The following ROBO1 variants were observed in gnomAD, a reference collection of about 807,000 sequenced individuals.
The protein encoded by ROBO1 is roundabout homolog 1.
ROBO1 carries 149 observed loss-of-function variants against 195.9 expected under a neutral mutation model. The ratio of observed to expected loss-of-function variants is 0.76; its 90% confidence interval spans 0.67 to 0.87. The LOEUF (loss-of-function observed/expected upper bound fraction) is 0.87, where lower values mean the gene tolerates loss of function less well. ROBO1 is among the 40% of genes least tolerant of loss of function. The pLI, the probability that ROBO1 is intolerant of heterozygous loss-of-function variation, is 0.00. For synonymous variants in ROBO1, 816 were observed against 733.2 expected, an observed-to-expected ratio of 1.11 and a Z score of -1.82; for missense variants, 1,933 against 2,068.3, an observed-to-expected ratio of 0.93 and a Z score of 1.27.
At chr3:78,977,941 C>T (rs969258202) in intron 3 of ROBO1, among the ~76,000 whole-genome samples, 18 of 151,984 alleles carry the variant, frequency 1.2e-4, no homozygotes, top group Non-Finnish European at 2.6e-4. Flanking sequence ...TATAATAGTG[C>T]CATCTAAACT....
In ROBO1 at chr3:79,339,410, T is replaced by C. The variant is rs557371049; in HGVS notation, c.89-213871A>G. 8.5e-5 allele frequency among the ~76,000 whole-genome samples: 13 copies of C among 152,312 alleles called. No homozygotes were observed. The South Asian group carries it at 2.5e-3, about 29-fold the overall frequency. ...ATTTGCTTATTCTTCTCAGCCACTG[T>C]GGTACCATTGCTTTTCCACAATACA... On this transcript the variant is annotated intron_variant, in intron 2 of 30. Transcript: ENST00000464233.
intron 2 of ROBO1, among the ~76,000 whole-genome samples, chr3:79,304,482 A>C (rs1385353509): frequency 6.6e-6 from 1 of 152,182 alleles, no homozygotes; most frequent in Non-Finnish European, 1.5e-5. Flanking sequence ...CATCATCTGC[A>C]AATCTTTCTT....
chr3:78,949,578 T>TA (rs1343650341), intron 3 of ROBO1, among the ~76,000 whole-genome samples: 15 of 152,108 alleles, frequency 9.9e-5, no homozygotes, highest in Non-Finnish European at 2.2e-4. Context: ...ACCTAGGCAA[T>TA]ACCATTCAGG....
intron 3 of ROBO1, among the ~76,000 whole-genome samples, chr3:78,990,991 G>A (rs927504359): frequency 6.6e-6 from 1 of 152,116 alleles, no homozygotes; most frequent in Admixed American, 6.6e-5. Context: ...CCATTTAAGG[G>A]TCTAATAAAT....
At chr3:78,804,732 C>CAAA (rs10576248) in intron 4 of ROBO1, among the ~76,000 whole-genome samples, 13 of 93,148 alleles carry the variant, frequency 1.4e-4, no homozygotes, top group Non-Finnish European at 2.0e-4. Flanking sequence ...GGAGCAAAGG[C>CAAA]AAAAAAAAAA....
chr3:79,178,968 G>GGCTGCCAAAC (rs1317760766), intron 2 of ROBO1, among the ~76,000 whole-genome samples: 1 of 152,058 alleles, frequency 6.6e-6, no homozygotes, highest in African/African-American at 2.4e-5. Flanking sequence ...GACCTGAATT[G>GGCTGCCAAAC]GCTGCCAAAC....
At chr3:78,852,043 C>T (rs543406911) in intron 4 of ROBO1, among the ~76,000 whole-genome samples, 90 of 152,032 alleles carry the variant, frequency 5.9e-4, no homozygotes, top group African/African-American at 2.1e-3. Context: ...ATTTAAGAAA[C>T]ACATTAAATA....
chr3:78,848,112 T>C (rs546751754), intron 4 of ROBO1, among the ~76,000 whole-genome samples: 5 of 152,302 alleles, frequency 3.3e-5, no homozygotes, highest in South Asian at 4.1e-4. Context: ...ACAGGAAATA[T>C]TCTGTTTTTA....
intron 1 of ROBO1, among the ~76,000 whole-genome samples, chr3:79,689,991 C>T (rs546312332): frequency 6.6e-6 from 1 of 152,036 alleles, no homozygotes; most frequent in Admixed American, 6.6e-5. Flanking sequence ...AATCAAGATC[C>T]TCCTAAATCA....
At chr3:79,297,193 T>C (rs2032641666) in intron 2 of ROBO1, among the ~76,000 whole-genome samples, 1 of 152,176 alleles carries the variant, frequency 6.6e-6, no homozygotes, top group Admixed American at 6.5e-5. Context: ...CTGCATAAAG[T>C]ATAAACATTC....
chr3:78,683,440 A>G, intron 10 of ROBO1, among the ~76,000 whole-genome samples: 1 of 152,116 alleles, frequency 6.6e-6, no homozygotes, highest in East Asian at 1.9e-4. Flanking sequence ...TTGTAAGAAT[A>G]TGTTGATGAT....
chr3:79,718,603 C>T (rs1414853692), intron 1 of ROBO1, among the ~76,000 whole-genome samples: 1 of 151,800 alleles, frequency 6.6e-6, no homozygotes, highest in Non-Finnish European at 1.5e-5. Flanking sequence ...CTCCCCCATA[C>T]TGTGTTTAAG....
At chr3:79,249,121 C>G (rs1025804911) in intron 2 of ROBO1, among the ~76,000 whole-genome samples, 6 of 152,050 alleles carry the variant, frequency 3.9e-5, no homozygotes, top group African/African-American at 1.4e-4. Context: ...TAAAAGTGTA[C>G]CTAATTTAAA....
intron 2 of ROBO1, among the ~76,000 whole-genome samples, chr3:79,237,675 C>T (rs562940769): frequency 3.3e-5 from 5 of 151,926 alleles, no homozygotes; most frequent in South Asian, 2.1e-4. Flanking sequence ...GAGTCATACA[C>T]GTAATTTTTG....
intron 3 of ROBO1, among the ~76,000 whole-genome samples, chr3:78,969,154 C>G (rs1403832334): frequency 6.6e-6 from 1 of 152,102 alleles, no homozygotes; most frequent in African/African-American, 2.4e-5. Flanking sequence ...CGCTTTTTCC[C>G]TTAAATATAA....
chr3:79,169,250 A>G (rs755979417), intron 2 of ROBO1, among the ~76,000 whole-genome samples: 2 of 152,192 alleles, frequency 1.3e-5, no homozygotes, highest in Non-Finnish European at 2.9e-5. Flanking sequence ...TTATGTTATA[A>G]TCTACATTAA....
intron 3 of ROBO1, among the ~76,000 whole-genome samples, chr3:79,051,721 C>T (rs1285211917): frequency 6.6e-6 from 1 of 152,074 alleles, no homozygotes; most frequent in East Asian, 1.9e-4. Flanking sequence ...GGCAGAAGAA[C>T]ATAAGTTGTG....
chr3:79,431,053 G>A (rs2038656358), intron 2 of ROBO1, among the ~76,000 whole-genome samples: 1 of 152,060 alleles, frequency 6.6e-6, no homozygotes, highest in Non-Finnish European at 1.5e-5. Context: ...AGGGCAAAAG[G>A]AGGTAGTGGT....
At chr3:78,718,593 G>A (rs2081959973) in intron 5 of ROBO1, among the ~76,000 whole-genome samples, 1 of 151,982 alleles carries the variant, frequency 6.6e-6, no homozygotes, top group Admixed American at 6.6e-5. Flanking sequence ...AGTATAAGAA[G>A]TCGACTGAAA....
Sources: gnomAD v4.1 joint callset for allele counts (sites outside exome capture counted in the v4.1 genomes callset) on GRCh38, gnomAD v4.1.1 for gene constraint, MANE v1.5 for transcripts, NCBI Gene and HGNC (gene_info 2026-07-23, HGNC 2026-07-21) for gene names.